Variants in GTF2A1 observed in about 807,000 individuals in gnomAD.
GTF2A1 encodes transcription initiation factor IIA subunit 1.
Under a neutral mutation model 54.1 loss-of-function variants are expected in GTF2A1, and 12 were observed. That is an observed-to-expected ratio of 0.22 (90% CI 0.14 to 0.36). The LOEUF (loss-of-function observed/expected upper bound fraction) is 0.36. GTF2A1 is among the 10% of genes least tolerant of loss of function. GTF2A1 has a pLI of 1.00. For missense variants in GTF2A1, 335 were observed against 442.2 expected (o/e 0.76, Z 2.17); for synonymous variants, 145 against 152.0 (o/e 0.95, Z 0.34).
chr14:81,211,875 T>TCATATATATATATATATATATATA (rs1419902730), intron 2 of GTF2A1, among the ~76,000 whole-genome samples: 11 of 68,492 alleles, frequency 1.6e-4, no homozygotes, highest in African/African-American at 5.0e-4. Context: ...ATCAAGTACT[T>TCATATATATATATATATATATATA]TATATATATA....
intron 1 of GTF2A1, among the ~76,000 whole-genome samples, chr14:81,217,240 G>A (rs1252243901): frequency 1.3e-5 from 2 of 152,178 alleles, no homozygotes; most frequent in Non-Finnish European, 2.9e-5. Context: ...GCTTCTAGAA[G>A]GTTGAATGGT....
intron 2 of GTF2A1, among the ~76,000 whole-genome samples, chr14:81,214,877 T>G (rs1265147691): frequency 3.3e-5 from 5 of 152,310 alleles, no homozygotes; most frequent in African/African-American, 1.2e-4. Context: ...ATAGCTAGAT[T>G]CTCGTATCTG....
intron 2 of GTF2A1, among the ~76,000 whole-genome samples, chr14:81,214,417 G>T (rs969213498): frequency 6.6e-6 from 1 of 151,968 alleles, no homozygotes; most frequent in Admixed American, 6.6e-5. Context: ...AGGCCGAGGT[G>T]GGGGGATCAC....
At chr14:81,217,924 G>A (rs1893521149) in intron 1 of GTF2A1, among the ~76,000 whole-genome samples, 1 of 152,194 alleles carries the variant, frequency 6.6e-6, no homozygotes, top group Non-Finnish European at 1.5e-5. Context: ...TCACTAACCT[G>A]CTTTATTTTG....
intron 2 of GTF2A1, chr14:81,204,335 T>C (rs577063010): frequency 1.5e-6 from 1 of 657,546 alleles, no homozygotes; most frequent in African/African-American, 1.8e-5. Flanking sequence ...GTTTCTTTTT[T>C]TTATCTTCCA....
At chr14:81,209,161 G>A (rs1026107793) in intron 2 of GTF2A1, among the ~76,000 whole-genome samples, 7 of 152,204 alleles carry the variant, frequency 4.6e-5, no homozygotes, top group Non-Finnish European at 1.0e-4. Context: ...GTATCTCCCA[G>A]AATTCCCACA....
intron 1 of GTF2A1, among the ~76,000 whole-genome samples, chr14:81,218,127 G>A (rs1408144952): frequency 1.3e-5 from 2 of 150,974 alleles, no homozygotes; most frequent in Non-Finnish European, 2.9e-5. Context: ...TACTCCTCGA[G>A]GCGTTAGGAG....
intron 3 of GTF2A1, among the ~76,000 whole-genome samples, chr14:81,202,272 A>T (rs1315268104): frequency 3.3e-5 from 5 of 152,188 alleles, no homozygotes; most frequent in Admixed American, 6.5e-5. Flanking sequence ...TCTTAACTCA[A>T]GGTTAACTGT....
chr14:81,217,690 G>C (rs1403500884), intron 1 of GTF2A1, among the ~76,000 whole-genome samples: 1 of 152,172 alleles, frequency 6.6e-6, no homozygotes, highest in African/African-American at 2.4e-5. Flanking sequence ...TGCTTGGGAG[G>C]CTGAGGTGGG....
intron 3 of GTF2A1, among the ~76,000 whole-genome samples, chr14:81,203,673 A>G (rs988878278): frequency 1.3e-5 from 2 of 152,208 alleles, no homozygotes; most frequent in African/African-American, 4.8e-5. Context: ...ATTACTCTAC[A>G]GATACAACCT....
intron 1 of GTF2A1, among the ~76,000 whole-genome samples, chr14:81,219,696 G>C (rs1044536660): frequency 2.0e-5 from 3 of 152,192 alleles, no homozygotes; most frequent in Non-Finnish European, 4.4e-5. Context: ...TGACTGAAAA[G>C]GTTATTTATG....
rs893572329 is a variant in GTF2A1, at chr14:81,197,301, T to G, written c.478+108A>C. The stretch of plus-strand genomic sequence containing the variant: ...TATTTTAATAACCTAAACCAAATGG[T>G]AAAAGAAATATTAGTATTTTCTGTC... On this transcript the variant is annotated intron_variant, in intron 5 of 8. Transcript: ENST00000553612. 7.9e-6 allele frequency: 5 copies of G among 635,802 alleles called. No individual in the cohort carries two copies. The African/African-American group carries it at 9.3e-5, about 12-fold the overall frequency. 39.4% of individuals were successfully genotyped at this position (635,802 alleles called of 1,614,324 possible).
intron 1 of GTF2A1, among the ~76,000 whole-genome samples, chr14:81,217,034 T>C (rs1445873336): frequency 6.6e-6 from 1 of 152,232 alleles, no homozygotes; most frequent in Non-Finnish European, 1.5e-5. Flanking sequence ...ATTAAACTAC[T>C]CATACACTCA....
chr14:81,216,991 T>G (rs1447438885), intron 1 of GTF2A1, among the ~76,000 whole-genome samples: 1 of 152,212 alleles, frequency 6.6e-6, no homozygotes, highest in Non-Finnish European at 1.5e-5. Context: ...TAACTTCTGT[T>G]GTGTGACCCA....
intron 7 of GTF2A1, among the ~76,000 whole-genome samples, chr14:81,186,120 G>A (rs1374507401): frequency 1.3e-5 from 2 of 152,200 alleles, no homozygotes; most frequent in Non-Finnish European, 2.9e-5. Flanking sequence ...CCAAAGTGCT[G>A]GGATTACAGG....
At chr14:81,196,501 C>G (rs1892996470) in intron 5 of GTF2A1, among the ~76,000 whole-genome samples, 1 of 152,142 alleles carries the variant, frequency 6.6e-6, no homozygotes, top group Admixed American at 6.5e-5. Flanking sequence ...AAGGTTTTAA[C>G]AACAGATTAT....
chr14:81,215,510 A>G (rs1893468960), intron 2 of GTF2A1, among the ~76,000 whole-genome samples: 1 of 152,226 alleles, frequency 6.6e-6, no homozygotes, highest in African/African-American at 2.4e-5. Context: ...AATATTCCAC[A>G]ATTTCATGAG....
chr14:81,210,012 TCGG>T (rs1263218596), intron 2 of GTF2A1: 6 of 491,096 alleles, frequency 1.2e-5, no homozygotes, highest in African/African-American at 2.1e-5. Context: ...ACTGACATTT[TCGG>T]CAGGACAATT....
chr14:81,221,097 G>C (rs1332039303), upstream of GTF2A1: 1 of 152,742 alleles, frequency 6.5e-6, no homozygotes, highest in Admixed American at 6.5e-5. Flanking sequence ...GCGCCGTGGC[G>C]GGTACTGGAC....
Sources: gnomAD v4.1 joint callset for allele counts (sites outside exome capture counted in the v4.1 genomes callset) on GRCh38, gnomAD v4.1.1 for gene constraint, MANE v1.5 for transcripts, NCBI Gene and HGNC (gene_info 2026-07-23, HGNC 2026-07-21) for gene names.